PLEKHH2: variants seen among roughly 807,000 people sequenced by gnomAD.
PLEKHH2 encodes pleckstrin homology, MyTH4 and FERM domain containing H2, also known as pleckstrin homology domain-containing family H member 2.
A neutral mutation model predicts 187.9 loss-of-function variants in PLEKHH2; 129 were observed. That is an observed-to-expected ratio of 0.69 (90% CI 0.59 to 0.79). PLEKHH2 has a LOEUF of 0.79. PLEKHH2 is among the 30% of genes least tolerant of loss of function. The pLI is 0.00. For synonymous variants in PLEKHH2, 686 were observed against 605.6 expected (o/e 1.13, Z -1.95); for missense variants, 2,076 against 1,751.2 (o/e 1.19, Z -3.31).
At chr2:43,731,257 C>T (rs922187137) in intron 18 of PLEKHH2, among the ~76,000 whole-genome samples, 2 of 151,964 alleles carry the variant, frequency 1.3e-5, no homozygotes, top group African/African-American at 2.4e-5. Flanking sequence ...TCCCCAAAAA[C>T]CTATGGAAAT....
chr2:43,687,991 C>T (rs990136224), intron 3 of PLEKHH2, among the ~76,000 whole-genome samples: 5 of 151,908 alleles, frequency 3.3e-5, no homozygotes, highest in East Asian at 3.9e-4. Context: ...TGTAGAGATG[C>T]GTTCCCACTC....
At chr2:43,638,273 A>T (rs867553624) in intron 1 of PLEKHH2, among the ~76,000 whole-genome samples, 1 of 150,936 alleles carries the variant, frequency 6.6e-6, no homozygotes, top group Non-Finnish European at 1.5e-5. Flanking sequence ...ACACACACAC[A>T]CACACACACA....
At position 43,638,196 on chromosome 2, in the gene PLEKHH2, CAG is replaced by C. The variant is rs569879468; in HGVS notation, c.-4+819_-4+820del. Among the ~76,000 whole-genome samples, 33 of 151,822 alleles carry C rather than the reference CAG, an allele frequency of 2.2e-4. 1 individual carries two copies. In the East Asian group the frequency reaches 6.0e-3, roughly 28 times the overall value. On this transcript the variant is annotated intron_variant, in intron 1 of 29. Transcript: ENST00000282406. ...TGGGGCTAGGTGGCTAGGTGGTGGT[CAG>C]AAGGTTCCTTAAACAAGGCATGCCT...
chr2:43,641,007 G>A lies in PLEKHH2; in HGVS notation c.-4+3628G>A, dbSNP rs1238253415. Among the ~76,000 whole-genome samples, 6 of 147,406 alleles carry A rather than the reference G, an allele frequency of 4.1e-5. No homozygotes were observed. In the East Asian group the frequency reaches 5.9e-4, roughly 15 times the overall value. On this transcript the variant is annotated intron_variant, in intron 1 of 29. Transcript: ENST00000282406. ...AGGGTTTTGCCACCTTGCCCAGGCT[G>A]GTCTCAAACTCATGAGCTCAGGCAG...
intron 14 of PLEKHH2, chr2:43,711,672 A>G: frequency 1.4e-6 from 1 of 704,026 alleles, no homozygotes; most frequent in Middle Eastern, 7.3e-4. Flanking sequence ...CAGGCGGATC[A>G]TGAGGTCAGG....
chr2:43,752,558 AAG>A (rs1672050279), intron 24 of PLEKHH2, among the ~76,000 whole-genome samples: 2 of 152,108 alleles, frequency 1.3e-5, no homozygotes, highest in African/African-American at 4.8e-5. Context: ...GTGTAGGGGG[AAG>A]AAAAGGCTGA....
intron 3 of PLEKHH2, chr2:43,681,694 G>A: frequency 5.6e-6 from 3 of 539,822 alleles, no homozygotes; most frequent in South Asian, 2.5e-5. Context: ...ACTCCATCAG[G>A]CCACTGAGGG....
At chr2:43,711,000 A>G (rs1033440504) in intron 14 of PLEKHH2, 5 of 996,932 alleles carry the variant, frequency 5.0e-6, no homozygotes, top group Non-Finnish European at 4.8e-6. Context: ...TTCAGATGCC[A>G]TAACACCAAA....
chr2:43,757,369 C>G (rs1309885072), intron 26 of PLEKHH2, 105 bp downstream of exon 26: 1 of 917,938 alleles, frequency 1.1e-6, no homozygotes, highest in Middle Eastern at 4.0e-4. Context: ...ACAGCTTTCT[C>G]AAGATTTTTT....
At chr2:43,685,168 A>G (rs1186261610) in intron 3 of PLEKHH2, among the ~76,000 whole-genome samples, 2 of 152,194 alleles carry the variant, frequency 1.3e-5, no homozygotes, top group Non-Finnish European at 2.9e-5. Context: ...GCCTTTTCTC[A>G]TTCAACCATG....
intron 2 of PLEKHH2, chr2:43,676,365 G>C: frequency 6.6e-7 from 1 of 1,504,542 alleles, no homozygotes; most frequent in East Asian, 2.3e-5. Context: ...AAGGCAGCCT[G>C]GGACCGGGTC....
At chr2:43,702,305 G>A (rs938253216) in intron 8 of PLEKHH2, among the ~76,000 whole-genome samples, 61 of 152,146 alleles carry the variant, frequency 4.0e-4, no homozygotes, top group African/African-American at 1.4e-3. Flanking sequence ...CTTTCAAGAG[G>A]ACATTTTATT....
intron 2 of PLEKHH2, among the ~76,000 whole-genome samples, chr2:43,656,273 A>G (rs577116299): frequency 6.6e-6 from 1 of 152,220 alleles, no homozygotes; most frequent in Admixed American, 6.5e-5. Flanking sequence ...AACAATTTAA[A>G]TGGGCATTTT....
intron 17 of PLEKHH2, among the ~76,000 whole-genome samples, chr2:43,729,290 CA>C (rs1670924511): frequency 6.6e-6 from 1 of 152,146 alleles, no homozygotes; most frequent in Admixed American, 6.5e-5. Flanking sequence ...CTGTATGTAT[CA>C]CTCTGGGAGC....
At chr2:43,641,677 A>G (rs888492058) in intron 1 of PLEKHH2, among the ~76,000 whole-genome samples, 4 of 152,140 alleles carry the variant, frequency 2.6e-5, no homozygotes, top group Non-Finnish European at 5.9e-5. Context: ...TATATATGGT[A>G]TGAGGTATGG....
rs771037765 is a variant in PLEKHH2 at position 43,765,628 on chromosome 2, G to GA, written c.*30_*31insA. Reference sequence around the variant, plus strand: ...TGGGGAGCCTGAACATTCACTCCTTGTCCTCCATGCTGTGGCTGTATCAGC... The same window carrying GA: ...TGGGGAGCCTGAACATTCACTCCTTGATCCTCCATGCTGTGGCTGTATCAGC... On this transcript the variant is annotated 3_prime_UTR_variant, in exon 30 of 30. Transcript: ENST00000282406. 6.2e-7 allele frequency: 1 copy of GA among 1,603,130 alleles called. No individual in the cohort carries two copies. The highest frequency in any genetic ancestry group is 1.1e-5 in the South Asian group (1 of 89,330).
chr2:43,740,383 A>G (rs713262), intron 20 of PLEKHH2, among the ~76,000 whole-genome samples: 71,948 of 152,090 alleles, frequency 0.47, 19,565 homozygotes, highest in African/African-American at 0.76. Context: ...CTGCTGTAAC[A>G]TGTTTTATAC....
intron 24 of PLEKHH2, among the ~76,000 whole-genome samples, chr2:43,749,523 AT>A (rs1309617789): frequency 3.3e-5 from 5 of 152,038 alleles, no homozygotes; most frequent in East Asian, 1.9e-4. Context: ...CTCTTCAAAA[AT>A]TTTTTTTTAA....
chr2:43,732,129 C>T (rs762320636), intron 19 of PLEKHH2, among the ~76,000 whole-genome samples: 13 of 151,978 alleles, frequency 8.6e-5, no homozygotes, highest in Non-Finnish European at 1.6e-4. Context: ...TTTGGGAGGC[C>T]GAGGAGGGTG....
Sources: allele counts gnomAD v4.1 joint callset (sites outside exome capture counted in the v4.1 genomes callset), GRCh38; gene constraint gnomAD v4.1.1; transcripts MANE v1.5; gene names NCBI Gene and HGNC (gene_info 2026-07-23, HGNC 2026-07-21).